The following PLEKHO1 variants were observed in gnomAD, a reference collection of about 807,000 sequenced individuals.
PLEKHO1 encodes the protein pleckstrin homology domain containing O1, also known as pleckstrin homology domain-containing family O member 1.
A neutral mutation model predicts 41.4 loss-of-function variants in PLEKHO1; 22 were observed. The ratio of observed to expected loss-of-function variants is 0.53; its 90% confidence interval spans 0.38 to 0.76. The LOEUF (loss-of-function observed/expected upper bound fraction) is 0.76. Among genes scored for constraint, PLEKHO1 ranks in the 30% least tolerant of loss-of-function variants. The pLI, the probability that PLEKHO1 is intolerant of heterozygous loss-of-function variation, is 0.00. For missense variants in PLEKHO1, 488 were observed against 518.3 expected, an observed-to-expected ratio of 0.94 and a Z score of 0.57; for synonymous variants, 225 against 210.8, an observed-to-expected ratio of 1.07 and a Z score of -0.58.
chr1:150,156,293 C>A, intron 3 of PLEKHO1, 87 bp downstream of exon 3: 1 of 1,160,914 alleles, frequency 8.6e-7, no homozygotes, highest in Non-Finnish European at 1.2e-6. Context: ...GTTTCTCTCT[C>A]AGCAATCTTG....
rs1045480594 is a variant in PLEKHO1, at chr1:150,151,115, C to G, written c.177+57C>G. On this transcript the variant is annotated intron_variant, in intron 2 of 5. Coordinates refer to ENST00000369124, the MANE Select transcript of PLEKHO1 (RefSeq NM_016274.6). ...TCTCATAGCCCCCACTTTGTCACTC[C>G]CCAAGGGCTCGCCTAGCTTACTCCA... 28 of 1,594,254 alleles carry G rather than the reference C, an allele frequency of 1.8e-5. 1 individual carries two copies. The African/African-American group carries it at 2.7e-4, about 15-fold the overall frequency.
rs202040526 is a variant in PLEKHO1, at chr1:150,159,310, C to G, written c.1017C>G (p.Pro339=). ...LGDGKRKAKD[P]PRSPPDSESE... is the part of the protein sequence containing the mutation. ...ATGGGAAGCGAAAGGCCAAGGACCC[C>G]CCTCGGTCTCCGCCGGATTCTGAGT... Residue 339 remains proline (P), a synonymous_variant, in exon 6 of 6, where the codon CCC becomes CCG. Transcript: ENST00000369124. 237 of 1,614,172 alleles carry G rather than the reference C, an allele frequency of 1.5e-4. 2 individuals carry two copies. In the South Asian group the frequency reaches 2.4e-3, roughly 17 times the overall value.
chr1:150,152,433 C>T (rs1328907255), intron 2 of PLEKHO1, among the ~76,000 whole-genome samples: 1 of 152,094 alleles, frequency 6.6e-6, no homozygotes, highest in Non-Finnish European at 1.5e-5. Flanking sequence ...CTTGGAGTAG[C>T]TGGGACTACA....
chr1:150,152,244 C>T (rs1553819202), intron 2 of PLEKHO1, among the ~76,000 whole-genome samples: 1 of 152,082 alleles, frequency 6.6e-6, no homozygotes, highest in Non-Finnish European at 1.5e-5. Context: ...CAAAGAGATC[C>T]CTCTTAAGGG....
intron 4 of PLEKHO1, 82 bp downstream of exon 4, chr1:150,157,097 C>T: frequency 2.2e-6 from 2 of 907,558 alleles, no homozygotes; most frequent in Non-Finnish European, 3.7e-6. Flanking sequence ...GAGGATTGTG[C>T]AGGCCCCGTT....
chr1:150,155,951 G>GGCGTGCCTCCCTCTCCTC, intron 2 of PLEKHO1, 115 bp from the exon 3 acceptor site: 1 of 933,710 alleles, frequency 1.1e-6, no homozygotes, highest in Non-Finnish European at 1.7e-6. Context: ...CTCCTCTCCT[G>GGCGTGCCTCCCTCTCCTC]GCGTGCCTCC....
intron 2 of PLEKHO1, chr1:150,153,675 T>G (rs937338010): frequency 1.3e-4 from 20 of 152,268 alleles, no homozygotes; most frequent in African/African-American, 4.6e-4. Flanking sequence ...TTTTCTTCCT[T>G]CTCAAAGGGC....
At chr1:150,155,985 C>A in intron 2 of PLEKHO1, 81 bp from the exon 3 acceptor site, 6 of 1,356,106 alleles carry the variant, frequency 4.4e-6, no homozygotes, top group Non-Finnish European at 6.2e-6. Flanking sequence ...TCCTCTGTTT[C>A]CCAAGATGAT....
intron 1 of PLEKHO1, 123 bp from the exon 2 acceptor site, chr1:150,150,789 C>T: frequency 1.2e-6 from 1 of 862,650 alleles, no homozygotes; most frequent in East Asian, 2.6e-5. Flanking sequence ...GGGGCGGCCC[C>T]CCGCCCCCCG....
At chr1:150,155,116 T>G (rs587684117) in intron 2 of PLEKHO1, 1 of 152,100 alleles carries the variant, frequency 6.6e-6, no homozygotes, top group South Asian at 2.1e-4. Flanking sequence ...TCAGCAGGAG[T>G]GCTAAGAGCT....
In PLEKHO1 at chr1:150,159,256, G is replaced by A; in HGVS notation, c.963G>A (p.Glu321=). 6.2e-7 allele frequency: 1 copy of A among 1,614,184 alleles called. No homozygotes were observed. Among genetic ancestry groups the A allele is most frequent in the Non-Finnish European group, 8.5e-7 (1 of 1,180,014 alleles). Residue 321 remains glutamate, a synonymous_variant, in exon 6 of 6, where the codon GAG becomes GAA. Transcript: ENST00000369124. The stretch of plus-strand genomic sequence containing the variant: ...CAAGGAAACTGGAGGAGACTCAGGA[G>A]CTTCTGGCAGAGGTTCAGGGACTGG... The part of the protein sequence containing the change: ...LVARKLEETQ[E]LLAEVQGLGD...
chr1:150,159,643 G>T lies in PLEKHO1; in HGVS notation c.*120G>T. 1.5e-6 allele frequency: 1 copy of T among 684,102 alleles called. No individual in the cohort carries two copies. Among genetic ancestry groups the T allele is most frequent in the Non-Finnish European group, 2.5e-6 (1 of 406,624 alleles). The allele number at this position is 684,102 out of a possible 1,614,324, so 42.4% of individuals were successfully genotyped here. A position where few individuals can be genotyped will look rare whatever the true frequency, so the allele number is the denominator to read the frequency against. ...AAACAAAAATGAACTCATTGCTCTT[G>T]CTGATGCCTGACCCCACTACAACCC... On this transcript the variant is annotated 3_prime_UTR_variant, in exon 6 of 6. Coordinates refer to ENST00000369124, the MANE Select transcript of PLEKHO1 (RefSeq NM_016274.6).
At chr1:150,151,243 G>A (rs1571941278) in intron 2 of PLEKHO1, among the ~76,000 whole-genome samples, 185 bp downstream of exon 2, 2 of 152,314 alleles carry the variant, frequency 1.3e-5, no homozygotes, top group East Asian at 3.9e-4. Context: ...GTGAGAATTA[G>A]AAGTTGAGTT....
rs1553821246 is a variant in PLEKHO1 at position 150,159,005 on chromosome 1, A to G, written c.712A>G (p.Ser238Gly). The change falls in exon 6 of 6, where the codon AGC becomes GGC. Residue 238 changes from serine to glycine, a missense_variant. Ser to Gly is a moderately conservative substitution (Grantham distance 56). Around this residue, in one of 3 missense-constraint regions of PLEKHO1, gnomAD observed 337 missense variants for 324.6 expected, o/e 1.04. Transcript: ENST00000369124. ...CATCCAGCCCTCCGCAGACCGGGCA[A>G]GCAGTCTCTCCCGACCTTGGGAAAA... ...DRIQPSADRASSLSRPWEKTD... is the reference protein window; with the variant it reads ...DRIQPSADRAGSLSRPWEKTD... 1.2e-6 allele frequency: 2 copies of G among 1,614,178 alleles called. No homozygotes were observed. The highest frequency in any genetic ancestry group is 3.3e-5 in the Admixed American group (2 of 60,024).
upstream of PLEKHO1, chr1:150,149,761 C>A (rs1659786530): frequency 6.6e-6 from 1 of 152,198 alleles, no homozygotes; most frequent in African/African-American, 2.4e-5. Context: ...TCTCCAGCCG[C>A]TTCGAAGCCG....
Sources: allele counts gnomAD v4.1 joint callset (sites outside exome capture counted in the v4.1 genomes callset), GRCh38; gene constraint gnomAD v4.1.1; regional missense constraint gnomAD v4.1.1; transcripts MANE v1.5; gene names NCBI Gene and HGNC (gene_info 2026-07-23, HGNC 2026-07-21).